The following JMJD1C variants were observed in gnomAD, a reference collection of about 807,000 sequenced individuals.
JMJD1C encodes jumonji domain containing 1C.
In JMJD1C, 31 loss-of-function variants were observed where a neutral mutation model predicts 245.3. The ratio of observed to expected loss-of-function variants is 0.13; its 90% CI spans 0.09 to 0.17. JMJD1C has a LOEUF of 0.17. Among genes scored for constraint, JMJD1C ranks in the 10% least tolerant of loss-of-function variants. JMJD1C has a pLI of 1.00. For synonymous variants in JMJD1C, 1,057 were observed against 1,017.4 expected, an observed-to-expected ratio of 1.04 and a Z score of -0.74; for missense variants, 2,691 against 3,000.2, an observed-to-expected ratio of 0.90 and a Z score of 2.41.
At chr10:63,439,612 G>A (rs933648358) in intron 1 of JMJD1C, among the ~76,000 whole-genome samples, 1 of 152,042 alleles carries the variant, frequency 6.6e-6, no homozygotes, top group African/African-American at 2.4e-5. Context: ...TTACACGGAT[G>A]GTTTTTAAGG....
intron 2 of JMJD1C, among the ~76,000 whole-genome samples, chr10:63,270,577 C>T (rs1332872542): frequency 6.6e-6 from 1 of 152,042 alleles, no homozygotes; most frequent in Non-Finnish European, 1.5e-5. Context: ...AGCGATCCTC[C>T]GACCTCAGCC....
At chr10:63,238,006 TAAAAAAAAAAAA>T (rs35736445) in intron 3 of JMJD1C, among the ~76,000 whole-genome samples, 1 of 27,616 alleles carries the variant, frequency 3.6e-5, no homozygotes, top group Admixed American at 5.2e-4. Flanking sequence ...CCGTCTCTAC[TAAAAAAAAAAAA>T]AAAAAAAAAA....
intron 2 of JMJD1C, among the ~76,000 whole-genome samples, chr10:63,339,612 C>T (rs1943185191): frequency 8.8e-6 from 1 of 113,038 alleles, no homozygotes; most frequent in Non-Finnish European, 1.8e-5. Flanking sequence ...GTGAGACCAC[C>T]ATCTCTAATT....
intron 3 of JMJD1C, among the ~76,000 whole-genome samples, chr10:63,242,981 T>C (rs186030028): frequency 6.6e-6 from 1 of 151,578 alleles, no homozygotes; most frequent in African/African-American, 2.4e-5. Context: ...GCATTTCAGA[T>C]AGTAAGCAAC....
chr10:63,389,311 C>CAAAAAAAAAAA (rs1185397734), intron 1 of JMJD1C, among the ~76,000 whole-genome samples: 1 of 64,634 alleles, frequency 1.5e-5, no homozygotes, highest in Non-Finnish European at 2.8e-5. Context: ...GACCCTGTCT[C>CAAAAAAAAAAA]AAAAAAAAAA....
intron 2 of JMJD1C, chr10:63,301,682 G>A: frequency 9.3e-6 from 4 of 429,926 alleles, no homozygotes; most frequent in South Asian, 4.9e-5. Context: ...GGGAGAGAGA[G>A]CATTAGGACA....
rs550561903 is a variant in JMJD1C, at chr10:63,403,544, G to A, written c.169-23062C>T. ...TAGTATTTCAGAGGGCTGTTTTAAG[G>A]ATTAAGCATGACAACAAAAGGACTT... On this transcript the variant is annotated intron_variant, in intron 1 of 25. Transcript: ENST00000399262. Among the ~76,000 whole-genome samples, 38 of 152,294 alleles carry A rather than the reference G, an allele frequency of 2.5e-4. No homozygotes were observed. The South Asian group carries it at 7.9e-3, about 32-fold the overall frequency.
rs752894908 is a variant in JMJD1C, at chr10:63,213,938, T to A, written c.2229A>T (p.Ser743=). ...LSQHPFPLHS[S]SHRTCLNPGT... is the part of the protein sequence containing the mutation. The stretch of plus-strand genomic sequence containing the variant: ...CTGGATTTAAACAGGTTCTATGAGA[T>A]GAGGAGTGAAGAGGAAAAGGATGCT... Residue 743 remains serine, a synonymous_variant, in exon 8 of 26, where the codon TCA becomes TCT. Coordinates refer to ENST00000399262, the MANE Select transcript of JMJD1C (RefSeq NM_032776.3). 1.1e-5 allele frequency: 17 copies of A among 1,613,878 alleles called. 1 individual carries two copies. In the South Asian group the frequency reaches 1.6e-4, roughly 16 times the overall value.
chr10:63,187,356 G>C (rs749507019), intron 18 of JMJD1C, among the ~76,000 whole-genome samples: 3 of 152,088 alleles, frequency 2.0e-5, no homozygotes, highest in Non-Finnish European at 4.4e-5. Context: ...CTTGTTAAAA[G>C]TAAATTTTTT....
intron 1 of JMJD1C, among the ~76,000 whole-genome samples, chr10:63,437,209 A>G (rs1287840087): frequency 6.6e-6 from 1 of 152,172 alleles, no homozygotes; most frequent in Non-Finnish European, 1.5e-5. Context: ...AAGATTAACG[A>G]TGTCAGTTAA....
intron 2 of JMJD1C, among the ~76,000 whole-genome samples, chr10:63,273,859 A>G (rs1856549705): frequency 6.6e-6 from 1 of 152,168 alleles, no homozygotes; most frequent in Non-Finnish European, 1.5e-5. Context: ...TGCCTACCCA[A>G]AGAAAATCTG....
intron 3 of JMJD1C, among the ~76,000 whole-genome samples, chr10:63,238,089 G>C (rs1312179373): frequency 6.9e-6 from 1 of 144,828 alleles, no homozygotes; most frequent in East Asian, 2.1e-4. Context: ...GCTGAGGCAT[G>C]AGAATCGCTT....
At chr10:63,348,202 T>A (rs1487645871) in intron 2 of JMJD1C, among the ~76,000 whole-genome samples, 2 of 38,894 alleles carry the variant, frequency 5.1e-5, no homozygotes, top group African/African-American at 3.9e-4. Flanking sequence ...CGAGACTTCA[T>A]CTCAAAAAAA....
chr10:63,269,146 C>T, intron 2 of JMJD1C: 1 of 985,440 alleles, frequency 1.0e-6, no homozygotes, highest in Non-Finnish European at 1.2e-6. Context: ...CTGGAGAAAG[C>T]CTTTCCCACT....
chr10:63,269,314 TC>T, intron 2 of JMJD1C: 1 of 546,228 alleles, frequency 1.8e-6, no homozygotes, highest in Non-Finnish European at 2.3e-6. Context: ...TGGAGTCACT[TC>T]CAGCACGAGT....
intron 1 of JMJD1C, among the ~76,000 whole-genome samples, chr10:63,450,560 A>G (rs764153242): frequency 4.6e-5 from 7 of 152,296 alleles, no homozygotes; most frequent in Admixed American, 1.3e-4. Flanking sequence ...CATTCACATA[A>G]TGAAGGGAAA....
intron 2 of JMJD1C, among the ~76,000 whole-genome samples, chr10:63,315,025 C>T (rs928367723): frequency 2.0e-5 from 3 of 147,362 alleles, no homozygotes; most frequent in African/African-American, 7.5e-5. Context: ...ACGATCTTGG[C>T]TCAGTGCAAC....
intron 3 of JMJD1C, among the ~76,000 whole-genome samples, chr10:63,247,105 AAAAAAC>A (rs980827054): frequency 6.6e-5 from 9 of 136,118 alleles, no homozygotes; most frequent in Middle Eastern, 3.7e-3. Flanking sequence ...ACTGAGACAA[AAAAAAC>A]AAAAACAAAA....
At chr10:63,459,219 A>C (rs1051264100) in intron 1 of JMJD1C, among the ~76,000 whole-genome samples, 21 of 152,238 alleles carry the variant, frequency 1.4e-4, no homozygotes, top group Non-Finnish European at 2.4e-4. Context: ...CTACTTAAAA[A>C]ATGAGTTTAG....
Sources: gnomAD v4.1 joint callset for allele counts (sites outside exome capture counted in the v4.1 genomes callset) on GRCh38, gnomAD v4.1.1 for gene constraint, MANE v1.5 for transcripts, NCBI Gene and HGNC (gene_info 2026-07-23, HGNC 2026-07-21) for gene names.